The following CSGALNACT1 variants were observed in gnomAD, a reference collection of about 807,000 sequenced individuals.
The protein encoded by CSGALNACT1 is chondroitin sulfate N-acetylgalactosaminyltransferase 1, also known as beta4GalNAcT-1.
In CSGALNACT1, 52 loss-of-function variants were observed where a neutral mutation model predicts 51.0. That is an observed-to-expected ratio of 1.02 (90% CI 0.82 to 1.29). CSGALNACT1 has a LOEUF of 1.29. Among genes scored for constraint, CSGALNACT1 ranks in the 50% most tolerant of loss-of-function variants. The pLI, the probability that CSGALNACT1 is intolerant of heterozygous loss-of-function variation, is 0.00. For synonymous variants in CSGALNACT1, 341 were observed against 254.4 expected, an observed-to-expected ratio of 1.34 and a Z score of -3.24; for missense variants, 935 against 679.2, an observed-to-expected ratio of 1.38 and a Z score of -4.19.
intron 1 of CSGALNACT1, among the ~76,000 whole-genome samples, chr8:19,698,381 G>C (rs187474198): frequency 1.3e-5 from 2 of 152,198 alleles, no homozygotes; most frequent in Admixed American, 1.3e-4. Flanking sequence ...ACTTGTTCAT[G>C]CTTTTGCTCT....
At chr8:19,629,441 G>A (rs1272652581) in intron 1 of CSGALNACT1, among the ~76,000 whole-genome samples, 7 of 152,198 alleles carry the variant, frequency 4.6e-5, no homozygotes. Flanking sequence ...AGGTATAGCT[G>A]TTCCCATTTC....
At chr8:19,652,416 T>C (rs529475729) in intron 1 of CSGALNACT1, among the ~76,000 whole-genome samples, 1 of 152,204 alleles carries the variant, frequency 6.6e-6, no homozygotes, top group Non-Finnish European at 1.5e-5. Context: ...CATGGATGCA[T>C]ATCTAGAAAT....
chr8:19,418,721 T>G, exon 8 of CSGALNACT1: 2 of 1,613,110 alleles, frequency 1.2e-6, no homozygotes, highest in Non-Finnish European at 1.7e-6. Flanking sequence ...TTGTACTGAC[T>G]GAAAAGAACT....
intron 1 of CSGALNACT1, among the ~76,000 whole-genome samples, chr8:19,621,849 C>T (rs1721354157): frequency 6.6e-6 from 1 of 152,172 alleles, no homozygotes; most frequent in South Asian, 2.1e-4. Context: ...GATTCCTTTG[C>T]TAAGTCAGAT....
At chr8:19,658,367 A>G (rs977583101) in intron 1 of CSGALNACT1, among the ~76,000 whole-genome samples, 1 of 152,206 alleles carries the variant, frequency 6.6e-6, no homozygotes, top group Admixed American at 6.5e-5. Flanking sequence ...ATAATTTATT[A>G]TTTCACCAAC....
At chr8:19,428,605 A>G (rs2059148443) in intron 6 of CSGALNACT1, among the ~76,000 whole-genome samples, 1 of 152,194 alleles carries the variant, frequency 6.6e-6, no homozygotes, top group Non-Finnish European at 1.5e-5. Flanking sequence ...ACTTTCCTCA[A>G]AAAGCCTGGG....
intron 5 of CSGALNACT1, among the ~76,000 whole-genome samples, chr8:19,444,972 G>T (rs574340304): frequency 6.6e-6 from 1 of 152,158 alleles, no homozygotes; most frequent in Non-Finnish European, 1.5e-5. Flanking sequence ...CGCATGCAGG[G>T]CTCACTCTGG....
chr8:19,474,847 A>G (rs2069077633), intron 4 of CSGALNACT1, among the ~76,000 whole-genome samples: 2 of 148,914 alleles, frequency 1.3e-5, no homozygotes, highest in African/African-American at 4.9e-5. Context: ...AGCCTGGGCA[A>G]TAAGAGTGAA....
intron 6 of CSGALNACT1, among the ~76,000 whole-genome samples, chr8:19,436,795 C>G (rs1016748475): frequency 1.3e-5 from 2 of 152,092 alleles, no homozygotes; most frequent in Non-Finnish European, 2.9e-5. Context: ...CTTGTAGTCC[C>G]AGCTACTAAG....
chr8:19,601,803 GCTACATCATTGCTC>G lies in CSGALNACT1; in HGVS notation c.-462_-449del, dbSNP rs773789366. ...TTCAAGAAGGGAAGGTTAGGAGGTG[GCTACATCATTGCTC>G]CTCTGGGTCAAAATTACCTTGGCGT... On this transcript the variant is annotated 5_prime_UTR_variant, in exon 2 of 10. It removes an upstream start codon present in the reference 5' UTR. Coordinates refer to ENST00000454498, the Ensembl canonical transcript of CSGALNACT1. 3 of 454,056 alleles carry G rather than the reference GCTACATCATTGCTC, an allele frequency of 6.6e-6. No homozygotes were observed. Among genetic ancestry groups the G allele is most frequent in the South Asian group, 4.7e-5 (3 of 64,458 alleles). The allele number at this position is 454,056 out of a possible 1,614,324, so 28.1% of individuals were successfully genotyped here. A position where few individuals can be genotyped will look rare whatever the true frequency, so the allele number is the denominator to read the frequency against.
chr8:19,523,880 G>A (rs1450821604), intron 3 of CSGALNACT1, among the ~76,000 whole-genome samples: 1 of 152,184 alleles, frequency 6.6e-6, no homozygotes, highest in East Asian at 1.9e-4. Flanking sequence ...GTTCAGAGGA[G>A]AGAAAGATCA....
At chr8:19,415,075 C>G (rs1468864017) in intron 8 of CSGALNACT1, among the ~76,000 whole-genome samples, 2 of 152,176 alleles carry the variant, frequency 1.3e-5, no homozygotes, top group African/African-American at 4.8e-5. Flanking sequence ...AGATCCTAAG[C>G]AAATCTCTTG....
At chr8:19,461,674 G>A (rs113537282) in intron 4 of CSGALNACT1, among the ~76,000 whole-genome samples, 1,133 of 28,288 alleles carry the variant, frequency 0.04, 80 homozygotes, top group East Asian at 0.39. Context: ...TCCGCACAGC[G>A]GCCACATTCA....
chr8:19,609,769 A>G (rs935371176), intron 1 of CSGALNACT1, among the ~76,000 whole-genome samples: 10 of 152,174 alleles, frequency 6.6e-5, no homozygotes, highest in African/African-American at 2.4e-4. Flanking sequence ...TAATAGTTTC[A>G]TATGTGTATA....
exon 10 of CSGALNACT1, chr8:19,404,747 T>C (rs1436308831): frequency 2.2e-6 from 1 of 454,560 alleles, no homozygotes; most frequent in East Asian, 6.9e-5. Context: ...CGGTCCCTAC[T>C]TCTGAGGAGA....
At chr8:19,469,337 G>T (rs1043143479) in intron 4 of CSGALNACT1, among the ~76,000 whole-genome samples, 1 of 152,178 alleles carries the variant, frequency 6.6e-6, no homozygotes, top group Non-Finnish European at 1.5e-5. Context: ...GCTACAGTAA[G>T]CTGTGTGTGC....
intron 1 of CSGALNACT1, among the ~76,000 whole-genome samples, chr8:19,733,398 T>C (rs758385941): frequency 1.3e-5 from 2 of 152,222 alleles, no homozygotes; most frequent in Admixed American, 1.3e-4. Context: ...GATTCCATTA[T>C]TGCCTACTTC....
chr8:19,502,352 A>T (rs1563759487), intron 4 of CSGALNACT1, among the ~76,000 whole-genome samples: 1 of 152,216 alleles, frequency 6.6e-6, no homozygotes. Context: ...GTGGATTAGG[A>T]AACTGAGTCT....
intron 1 of CSGALNACT1, among the ~76,000 whole-genome samples, chr8:19,756,402 T>C (rs1312063046): frequency 6.6e-6 from 1 of 152,254 alleles, no homozygotes; most frequent in Non-Finnish European, 1.5e-5. Flanking sequence ...CGAGGCTCAC[T>C]GTTTTGGCAG....
Sources: gnomAD v4.1 joint callset for allele counts (sites outside exome capture counted in the v4.1 genomes callset) on GRCh38, gnomAD v4.1.1 for gene constraint, MANE v1.5 for transcripts, NCBI Gene and HGNC (gene_info 2026-07-23, HGNC 2026-07-21) for gene names.